The following ERFL variants were observed in gnomAD, a reference collection of about 807,000 sequenced individuals.
The protein encoded by ERFL is ETS repressor factor like.
In ERFL, 8 loss-of-function variants were observed where a neutral mutation model predicts 27.9. The ratio of observed to expected loss-of-function variants is 0.29; its 90% CI spans 0.17 to 0.52. The LOEUF (loss-of-function observed/expected upper bound fraction) is 0.52. Ranked by LOEUF, ERFL falls within the 20% of genes least tolerant of loss-of-function variation. ERFL has a pLI of 0.97. For missense variants in ERFL, 294 were observed against 444.4 expected, an observed-to-expected ratio of 0.66 and a Z score of 3.04; for synonymous variants, 174 against 202.8, an observed-to-expected ratio of 0.86 and a Z score of 1.21.
chr19:41,911,779 C>T (rs2074753247), intron 2 of ERFL, among the ~76,000 whole-genome samples: 1 of 152,188 alleles, frequency 6.6e-6, no homozygotes, highest in Non-Finnish European at 1.5e-5. Flanking sequence ...CAACCCGATA[C>T]TCCATCTGTC....
chr19:41,925,444 T>C (rs1482377052), intron 1 of ERFL, among the ~76,000 whole-genome samples: 1 of 151,868 alleles, frequency 6.6e-6, no homozygotes, highest in Non-Finnish European at 1.5e-5. Flanking sequence ...GTGTGTAAAG[T>C]AATGTTGTGT....
In ERFL at chr19:41,908,605, T is replaced by A. The variant is rs559741186; in HGVS notation, c.688A>T (p.Asn230Tyr). The change falls in exon 6 of 6, where the codon AAC becomes TAC. Residue 230 changes from asparagine (N) to tyrosine (Y), a missense_variant. Asn to Tyr is a moderately radical substitution (Grantham distance 143, BLOSUM62 -2). This residue lies in a region of ERFL where 246 missense variants were observed against 371.4 expected (regional missense o/e 0.66). Transcript: ENST00000597630. The surrounding 1 kb of genome is among the most constrained non-coding windows in gnomAD (Gnocchi z 6.7). Reference sequence around the variant, plus strand: ...GGGCCCGTGAGGTACGGGTTAAAGTTCCAGGGGTACTCAGGGAAGGCGCGG... The same window carrying A: ...GGGCCCGTGAGGTACGGGTTAAAGTACCAGGGGTACTCAGGGAAGGCGCGG... Reference protein sequence around the residue: ...YGRAFPEYPWNFNPYLTGPFP... With the variant: ...YGRAFPEYPWYFNPYLTGPFP... 1.3e-4 allele frequency: 154 copies of A among 1,231,396 alleles called. No homozygotes were observed. The highest frequency in any genetic ancestry group is 3.1e-4 in the Middle Eastern group (1 of 3,234). 76.3% of individuals were successfully genotyped at this position (1,231,396 alleles called of 1,614,324 possible).
intron 1 of ERFL, among the ~76,000 whole-genome samples, chr19:41,918,445 C>T (rs1248421046): frequency 1.4e-5 from 2 of 147,560 alleles, no homozygotes; most frequent in African/African-American, 2.5e-5. Flanking sequence ...CATAAATACA[C>T]CACACATGCA....
In ERFL at chr19:41,928,246, G is replaced by C. The variant is rs1187464241; in HGVS notation, c.-220C>G. On this transcript the variant is annotated 5_prime_UTR_variant, in exon 1 of 6. Transcript: ENST00000597630. ...GCCGGGACAGGAGAGACTCAGAGAC[G>C]GAGAGACAGCCAAGGAGACAGAGAC... is the stretch of plus-strand genomic sequence containing the variant. 2 of 152,278 alleles carry C rather than the reference G, an allele frequency of 1.3e-5. No individual in the cohort carries two copies. Among genetic ancestry groups the C allele is most frequent in the Non-Finnish European group, 2.9e-5 (2 of 68,172 alleles). 9.4% of individuals were successfully genotyped at this position (152,278 alleles called of 1,614,324 possible).
rs2074729731 is a variant in ERFL, at chr19:41,908,253, G to A, written c.1040C>T (p.Ala347Val). The change falls in exon 6 of 6, where the codon GCG becomes GTG. Residue 347 changes from alanine (A) to valine (V), a missense_variant. Around this residue, in one of 3 missense-constraint regions of ERFL, gnomAD observed 246 missense variants for 371.4 expected, o/e 0.66. Transcript: ENST00000597630. The surrounding 1 kb of genome is among the most constrained non-coding windows in gnomAD (Gnocchi z 6.7). ...EGLPAPPKAK[A>V]GKGGTGS ...TCAGCTGCCGGTCCCCCCTTTGCCC[G>A]CCTTTGCCTTGGGGGGTGCCGGGAG... 2 of 1,231,540 alleles carry A rather than the reference G, an allele frequency of 1.6e-6. No individual in the cohort carries two copies. Among genetic ancestry groups the A allele is most frequent in the South Asian group, 4.1e-5 (1 of 24,326 alleles). The allele number at this position is 1,231,540 out of a possible 1,614,324, so 76.3% of individuals were successfully genotyped here.
At position 41,909,512 on chromosome 19, in the gene ERFL, C is replaced by G. The variant is rs2074740871; in HGVS notation, c.303-41G>C. On this transcript the variant is annotated intron_variant, in intron 3 of 5. Coordinates refer to ENST00000597630, the MANE Select transcript of ERFL (RefSeq NM_001365103.2). This position sits in a 1 kb window ranked among gnomAD's most constrained non-coding sequence, Gnocchi z 5.2. ...TGGTGTTGGGGAGGTGCAGGGGGAG[C>G]CCTGGGGCGGGATCTGGGGTTTCTT... is the stretch of plus-strand genomic sequence containing the variant. 3.2e-6 allele frequency: 4 copies of G among 1,248,280 alleles called. No individual in the cohort carries two copies. The South Asian group carries it at 1.1e-4, about 34-fold the overall frequency. 77.3% of individuals were successfully genotyped at this position (1,248,280 alleles called of 1,614,324 possible).
At position 41,921,251 on chromosome 19, in the gene ERFL, G is replaced by A. The variant is rs1599679434; in HGVS notation, c.-14+6789C>T. 6.6e-6 allele frequency among the ~76,000 whole-genome samples: 1 copy of A among 152,170 alleles called. No homozygotes were observed. Among genetic ancestry groups the A allele is most frequent in the African/African-American group, 2.4e-5 (1 of 41,434 alleles). ...GAGAGATGGAGGAACTGGAGGTTGG[G>A]GTGGGGGGCACAGAGAAGGGGAGAC... On this transcript the variant is annotated intron_variant, in intron 1 of 5. Coordinates refer to ENST00000597630, the MANE Select transcript of ERFL (RefSeq NM_001365103.2). The surrounding 1 kb of genome is among the most constrained non-coding windows in gnomAD (Gnocchi z 4.4).
chr19:41,912,865 G>C lies in ERFL; in HGVS notation c.55C>G (p.Leu19Val), dbSNP rs2074761928. Reference protein sequence around the residue: ...LLFAPPALPALWTPGFAFPDW... With the variant: ...LLFAPPALPAVWTPGFAFPDW... ...CCGGGCCAGTTACCGGGGGTCCAGA[G>C]AGCCGGCAGGGCGGGCGGGGCGAAG... Residue 19 changes from leucine (L) to valine (V), a missense_variant, in exon 2 of 6, where the codon CTC becomes GTC. By Grantham distance (32) the Leu-to-Val change is conservative. Transcript: ENST00000597630. 1 of 1,230,132 alleles carries C rather than the reference G, an allele frequency of 8.1e-7. No homozygotes were observed. Among genetic ancestry groups the C allele is most frequent in the Admixed American group, 4.2e-5 (1 of 23,696 alleles). 76.2% of individuals were successfully genotyped at this position (1,230,132 alleles called of 1,614,324 possible). A position where few individuals can be genotyped will look rare whatever the true frequency, so the allele number is the denominator to read the frequency against.
chr19:41,908,393 C>T lies in ERFL; in HGVS notation c.900G>A (p.Ala300=), dbSNP rs1309871211. The part of the protein sequence containing the change: ...PSGLAAAPRL[A]LPGAGGPEAA... ...CCTCTGGACCCCCAGCCCCTGGCAG[C>T]GCCAGGCGAGGGGCCGCTGCCAGGC... The change falls in exon 6 of 6, where the codon GCG becomes GCA. Residue 300 remains alanine, a synonymous_variant. Coordinates refer to ENST00000597630, the MANE Select transcript of ERFL (RefSeq NM_001365103.2). The surrounding 1 kb of genome is among the most constrained non-coding windows in gnomAD (Gnocchi z 6.7). The T allele has an allele frequency of 3.2e-6, 4 of 1,231,164 alleles. No individual in the cohort carries two copies. The highest frequency in any genetic ancestry group is 8.4e-5 in the Admixed American group (2 of 23,694). 76.3% of individuals were successfully genotyped at this position (1,231,164 alleles called of 1,614,324 possible).
chr19:41,914,635 G>C (rs1568831919), intron 1 of ERFL, among the ~76,000 whole-genome samples: 1 of 24,082 alleles, frequency 4.2e-5, no homozygotes, highest in East Asian at 1.4e-3. Flanking sequence ...CTCTGTCTCT[G>C]TCTCTCCCTC....
In ERFL at chr19:41,920,195, C is replaced by T. The variant is rs182244645; in HGVS notation, c.-13-7263G>A. 1.5e-3 allele frequency among the ~76,000 whole-genome samples: 178 copies of T among 116,530 alleles called. 2 individuals carry two copies. The highest frequency in any genetic ancestry group is 5.6e-3 in the African/African-American group (170 of 30,154). The allele number at this position is 116,530 out of a possible 152,430, so 76.4% of individuals were successfully genotyped here. A position where few individuals can be genotyped will look rare whatever the true frequency, so the allele number is the denominator to read the frequency against. On this transcript the variant is annotated intron_variant, in intron 1 of 5. Coordinates refer to ENST00000597630, the MANE Select transcript of ERFL (RefSeq NM_001365103.2). ...GACATGACACGCTCACAGACATGCG[C>T]TCACAGACATGACATGCCCAGACGT...
At chr19:41,915,367 G>A (rs192590342) in intron 1 of ERFL, among the ~76,000 whole-genome samples, 42 of 150,922 alleles carry the variant, frequency 2.8e-4, no homozygotes, top group Admixed American at 2.2e-3. Flanking sequence ...TGGACCCCTC[G>A]CCCTTGCCCA....
chr19:41,909,310 G>GC lies in ERFL; in HGVS notation c.463dup (p.Ala155GlyfsTer12), dbSNP rs1237601044. ...GAGGGGAGGAGCATCTGGCCCTGGG[G>GC]CCCCCCCAAAGGGACTGGGGGTCAG... On this transcript the variant is annotated frameshift_variant, in exon 4 of 6. Transcript: ENST00000597630. LOFTEE classifies it high-confidence loss of function. This position sits in a 1 kb window ranked among gnomAD's most constrained non-coding sequence, Gnocchi z 5.2. 4.0e-6 allele frequency: 5 copies of GC among 1,234,682 alleles called. No individual in the cohort carries two copies. Among genetic ancestry groups the GC allele is most frequent in the African/African-American group, 1.5e-5 (1 of 64,586 alleles). The allele number at this position is 1,234,682 out of a possible 1,614,324, so 76.5% of individuals were successfully genotyped here.
rs368260507 is a variant in ERFL, at chr19:41,917,736, C to T, written c.-13-4804G>A. ...GGGACATATCTCTCCTTACGCCACACGCCCATGTAGGACACATCTGTGCAC... is the reference window on the plus strand; with the variant it reads ...GGGACATATCTCTCCTTACGCCACATGCCCATGTAGGACACATCTGTGCAC... On this transcript the variant is annotated intron_variant, in intron 1 of 5. Coordinates refer to ENST00000597630, the MANE Select transcript of ERFL (RefSeq NM_001365103.2). The surrounding 1 kb of genome is among the most constrained non-coding windows in gnomAD (Gnocchi z 4.8). 1.3e-5 allele frequency among the ~76,000 whole-genome samples: 2 copies of T among 151,878 alleles called. No homozygotes were observed. Among genetic ancestry groups the T allele is most frequent in the Admixed American group, 6.5e-5 (1 of 15,268 alleles).
intron 1 of ERFL, chr19:41,923,223 C>T: frequency 2.2e-6 from 1 of 455,796 alleles, no homozygotes; most frequent in South Asian, 1.6e-5. Context: ...TGAGCCTGGA[C>T]TTGAATGCAG....
intron 1 of ERFL, among the ~76,000 whole-genome samples, chr19:41,924,579 G>T (rs2074860924): frequency 6.6e-6 from 1 of 152,140 alleles, no homozygotes. Context: ...GTGTTATGTG[G>T]TGGAACAGGT....
chr19:41,926,448 G>A (rs954543233), intron 1 of ERFL, among the ~76,000 whole-genome samples: 3 of 152,138 alleles, frequency 2.0e-5, no homozygotes, highest in East Asian at 3.9e-4. Flanking sequence ...ATAGACAGGT[G>A]TGAAAGGTTA....
chr19:41,917,676 C>T lies in ERFL; in HGVS notation c.-13-4744G>A, dbSNP rs1165854080. On this transcript the variant is annotated intron_variant, in intron 1 of 5. Transcript: ENST00000597630. The surrounding 1 kb of genome is among the most constrained non-coding windows in gnomAD (Gnocchi z 4.8). Reference sequence around the variant, plus strand: ...CGCACGCACACACACACCCTGACTGCACCCACCCATGGCCACACGTTCAGG... The same window carrying T: ...CGCACGCACACACACACCCTGACTGTACCCACCCATGGCCACACGTTCAGG... Among the ~76,000 whole-genome samples, 1 of 151,840 alleles carries T rather than the reference C, an allele frequency of 6.6e-6. No homozygotes were observed. Among genetic ancestry groups the T allele is most frequent in the Non-Finnish European group, 1.5e-5 (1 of 67,948 alleles).
chr19:41,912,427 G>A (rs552990047), intron 2 of ERFL, among the ~76,000 whole-genome samples: 2 of 152,318 alleles, frequency 1.3e-5, no homozygotes, highest in Admixed American at 6.5e-5. Context: ...TGGCCGGGTC[G>A]TGCCTGCACG....
Sources: gnomAD v4.1 joint callset for allele counts (sites outside exome capture counted in the v4.1 genomes callset) on GRCh38, gnomAD v4.1.1 for gene constraint, gnomAD v4.1.1 regional missense constraint, Gnocchi (gnomAD v3.1) non-coding constraint, MANE v1.5 for transcripts, NCBI Gene and HGNC (gene_info 2026-07-23, HGNC 2026-07-21) for gene names.